ACTN2: variants seen among roughly 807,000 people sequenced by gnomAD.
The protein encoded by ACTN2 is actinin alpha 2.
Under a neutral mutation model 113.8 loss-of-function variants are expected in ACTN2, and 39 were observed. That is an observed-to-expected ratio of 0.34 (90% CI 0.27 to 0.45). ACTN2 has a LOEUF of 0.45. Ranked by LOEUF, ACTN2 falls within the 20% of genes least tolerant of loss-of-function variation. The pLI, the probability that ACTN2 is intolerant of heterozygous loss-of-function variation, is 1.00. For synonymous variants in ACTN2, 429 were observed against 444.1 expected, an observed-to-expected ratio of 0.97 and a Z score of 0.43; for missense variants, 992 against 1,177.9, an observed-to-expected ratio of 0.84 and a Z score of 2.31.
At chr1:236,739,237 T>A (rs1007029484) in intron 9 of ACTN2, 65 bp from the exon 10 acceptor site, 9 of 1,519,962 alleles carry the variant, frequency 5.9e-6, no homozygotes, top group Non-Finnish European at 8.2e-6. Flanking sequence ...GCCTCATTTT[T>A]TTTTTTTAAC....
At chr1:236,713,520 C>A (rs189506157) in intron 1 of ACTN2, among the ~76,000 whole-genome samples, 11 of 152,210 alleles carry the variant, frequency 7.2e-5, no homozygotes, top group African/African-American at 2.6e-4. Context: ...AGCCACTGTG[C>A]CAAGCAAAGT....
rs1038345353 is a variant in ACTN2, at chr1:236,759,638, C to T, written c.2302-86C>T. The T allele has an allele frequency of 2.3e-5, 27 of 1,172,612 alleles. No homozygotes were observed. In the Middle Eastern group the frequency reaches 9.7e-4, roughly 42 times the overall value. 72.6% of individuals were successfully genotyped at this position (1,172,612 alleles called of 1,614,324 possible). On this transcript the variant is annotated intron_variant, in intron 18 of 20. Transcript: ENST00000366578. The stretch of plus-strand genomic sequence containing the variant: ...CCTTGGCAGAGCTCAAAGTGCTTCT[C>T]TTACCAGATCTTTGTTCAGTTGGTC...
chr1:236,733,972 A>G (rs942792202), intron 7 of ACTN2, among the ~76,000 whole-genome samples: 2 of 152,124 alleles, frequency 1.3e-5, no homozygotes, highest in Non-Finnish European at 2.9e-5. Context: ...TTGTTTCTCT[A>G]TTTCCCTCCA....
At chr1:236,740,521 C>A (rs1333802018) in intron 10 of ACTN2, among the ~76,000 whole-genome samples, 1 of 128,018 alleles carries the variant, frequency 7.8e-6, no homozygotes, top group Non-Finnish European at 1.8e-5. Flanking sequence ...GTTGTCAGAG[C>A]AAGTCATTTT....
At chr1:236,696,678 T>C (rs1657511347) in intron 1 of ACTN2, among the ~76,000 whole-genome samples, 1 of 151,538 alleles carries the variant, frequency 6.6e-6, no homozygotes, top group Admixed American at 6.6e-5. Flanking sequence ...TTTTTTTTTT[T>C]TTTTTTGAGA....
intron 1 of ACTN2, among the ~76,000 whole-genome samples, chr1:236,689,300 GATATATATATATATATATAT>G (rs57239117): frequency 0.057 from 7,022 of 122,558 alleles, 401 homozygotes; most frequent in African/African-American, 0.14. Flanking sequence ...TTACAGATGT[GATATATATATATATATATAT>G]ATATATATAT....
At chr1:236,691,471 C>T (rs1256305421) in intron 1 of ACTN2, among the ~76,000 whole-genome samples, 2 of 151,120 alleles carry the variant, frequency 1.3e-5, no homozygotes, top group African/African-American at 2.4e-5. Flanking sequence ...AGCAAGACCC[C>T]GTCTTTGCAA....
In ACTN2 at chr1:236,747,760, G is replaced by T; in HGVS notation, c.1500G>T (p.Arg500Ser). ...WDRLGTLTQK[R>S]REALERMEKL... The stretch of plus-strand genomic sequence containing the variant: ...GACTGGGAACGCTTACTCAGAAGAG[G>T]AGAGAAGCCCTAGAGGTGAAGTATT... Residue 500 changes from arginine to serine, a missense_variant, in exon 13 of 21, where the codon AGG becomes AGT. By Grantham distance (110) the Arg-to-Ser change is moderately radical. Coordinates refer to ENST00000366578, the MANE Select transcript of ACTN2 (RefSeq NM_001103.4). 1 of 1,613,852 alleles carries T rather than the reference G, an allele frequency of 6.2e-7. No individual in the cohort carries two copies. Among genetic ancestry groups the T allele is most frequent in the South Asian group, 1.1e-5 (1 of 91,030 alleles).
At position 236,739,454 on chromosome 1, in the gene ACTN2, C is replaced by G; in HGVS notation, c.1029C>G (p.Ile343Met). Residue 343 changes from isoleucine to methionine, a missense_variant, in exon 10 of 21, where the codon ATC becomes ATG. This residue lies in a region of ACTN2 where 736 missense variants were observed against 815.4 expected (regional missense o/e 0.90). Transcript: ENST00000366578. ...TGCAGGAGAAATGCCAGCTGGAGAT[C>G]AACTTCAACACGCTGCAGACCAAGC... ...PKVQEKCQLE[I>M]NFNTLQTKLR... 1 of 1,614,138 alleles carries G rather than the reference C, an allele frequency of 6.2e-7. No homozygotes were observed. Among genetic ancestry groups the G allele is most frequent in the Middle Eastern group, 1.6e-4 (1 of 6,062 alleles).
intron 11 of ACTN2, 131 bp from the exon 12 acceptor site, chr1:236,744,495 C>G (rs1659165551): frequency 8.8e-7 from 1 of 1,132,886 alleles, no homozygotes; most frequent in South Asian, 1.3e-5. Flanking sequence ...TGGCCTGCAT[C>G]TTCAGTCCTG....
intron 4 of ACTN2, among the ~76,000 whole-genome samples, 198 bp downstream of exon 4, chr1:236,720,389 T>G (rs1015525085): frequency 2.0e-5 from 3 of 152,222 alleles, no homozygotes; most frequent in Non-Finnish European, 4.4e-5. Flanking sequence ...TGGAATCGGT[T>G]TGCAAAAGAT....
At chr1:236,736,520 C>A in intron 8 of ACTN2, 1 of 1,313,714 alleles carries the variant, frequency 7.6e-7, no homozygotes, top group Non-Finnish European at 1.1e-6. Flanking sequence ...CGAAAGATGA[C>A]AGAGAATTGT....
At chr1:236,707,922 G>T (rs1044755282) in intron 1 of ACTN2, among the ~76,000 whole-genome samples, 6 of 151,632 alleles carry the variant, frequency 4.0e-5, no homozygotes, top group Non-Finnish European at 7.4e-5. Context: ...ATATTGGCCA[G>T]GCTGGTCTCG....
chr1:236,731,381 T>C, intron 7 of ACTN2, 67 bp downstream of exon 7: 1 of 1,319,960 alleles, frequency 7.6e-7, no homozygotes, highest in Non-Finnish European at 1.1e-6. Context: ...TGGCTACACA[T>C]TGGGACCTTG....
At chr1:236,751,395 C>G (rs575246995) in intron 14 of ACTN2, 75 bp from the exon 15 acceptor site, 1 of 1,533,846 alleles carries the variant, frequency 6.5e-7, no homozygotes, top group Non-Finnish European at 8.9e-7. Flanking sequence ...TACTTGTGTG[C>G]GGAAAGGAAT....
chr1:236,760,990 A>G (rs113776296), intron 19 of ACTN2, 25 bp from the exon 20 acceptor site: 4 of 1,614,202 alleles, frequency 2.5e-6, no homozygotes, highest in Middle Eastern at 1.6e-4. Context: ...GTTCGTGTAC[A>G]TGTTTCTTTG....
chr1:236,715,615 CT>C (rs1369993619), intron 1 of ACTN2, among the ~76,000 whole-genome samples: 2 of 152,042 alleles, frequency 1.3e-5, no homozygotes, highest in Non-Finnish European at 2.9e-5. Context: ...GTTTAAGTGG[CT>C]ACTTCTGGCT....
intron 1 of ACTN2, among the ~76,000 whole-genome samples, chr1:236,707,709 CTTTTTTTTT>C (rs5781919): frequency 1.3e-4 from 10 of 78,758 alleles, no homozygotes; most frequent in Admixed American, 8.6e-4. Context: ...TCTTTTTTTT[CTTTTTTTTT>C]TTTTTTTTTT....
intron 1 of ACTN2, among the ~76,000 whole-genome samples, chr1:236,702,708 A>G (rs697659): frequency 0.052 from 7,877 of 152,280 alleles, 245 homozygotes; most frequent in East Asian, 0.091. Flanking sequence ...AACATTGGAA[A>G]TGCCCAGCTT....
Sources: allele counts gnomAD v4.1 joint callset (sites outside exome capture counted in the v4.1 genomes callset), GRCh38; gene constraint gnomAD v4.1.1; regional missense constraint gnomAD v4.1.1; transcripts MANE v1.5; gene names NCBI Gene and HGNC (gene_info 2026-07-23, HGNC 2026-07-21).